Variants in BRAF observed in about 807,000 individuals in gnomAD.
BRAF encodes the protein serine/threonine-protein kinase B-raf.
BRAF carries 16 observed loss-of-function variants against 104.6 expected under a neutral mutation model. That is an observed-to-expected ratio of 0.15 (90% confidence interval 0.10 to 0.23). The LOEUF is 0.23. Among genes scored for constraint, BRAF ranks in the 10% least tolerant of loss-of-function variants. The pLI is 1.00. For synonymous variants in BRAF, 310 were observed against 341.6 expected (o/e 0.91, Z 1.02); for missense variants, 541 against 937.3 (o/e 0.58, Z 5.52).
Position 140,924,470 on chromosome 7 carries a change from G to T in BRAF, c.138+96C>A. ...GAGCTGGCCCGAGAAGGTGGCTGAG[G>T]GCATCAAGCCCCCACCGCCGCCTCT... On this transcript the variant is annotated intron_variant, in intron 1 of 19. Transcript: ENST00000644969. The surrounding 1 kb of genome is among the most constrained non-coding windows in gnomAD (Gnocchi z 4.2). The T allele has an allele frequency of 6.6e-7, 1 of 1,505,112 alleles. No homozygotes were observed. Among genetic ancestry groups the T allele is most frequent in the East Asian group, 2.5e-5 (1 of 40,402 alleles). 93.2% of individuals were successfully genotyped at this position (1,505,112 alleles called of 1,614,324 possible). A position where few individuals can be genotyped will look rare whatever the true frequency, so the allele number is the denominator to read the frequency against.
intron 1 of BRAF, among the ~76,000 whole-genome samples, chr7:140,912,361 T>A (rs914698803): frequency 2.6e-5 from 4 of 152,220 alleles, no homozygotes; most frequent in Admixed American, 6.5e-5. Context: ...GCAGCATTTC[T>A]AACCACATAC....
At chr7:140,909,350 G>A (rs192413678) in intron 1 of BRAF, among the ~76,000 whole-genome samples, 1 of 152,106 alleles carries the variant, frequency 6.6e-6, no homozygotes, top group South Asian at 2.1e-4. Flanking sequence ...GCTTGAACCC[G>A]GGAGGCGAAG....
intron 14 of BRAF, among the ~76,000 whole-genome samples, chr7:140,769,954 G>C (rs1337592561): frequency 6.6e-6 from 1 of 152,084 alleles, no homozygotes; most frequent in Non-Finnish European, 1.5e-5. Flanking sequence ...AATGTTTCTT[G>C]GGGTTAGAAT....
At chr7:140,861,037 A>C (rs193101149) in intron 1 of BRAF, among the ~76,000 whole-genome samples, 1 of 152,344 alleles carries the variant, frequency 6.6e-6, no homozygotes, top group African/African-American at 2.4e-5. Context: ...TCTCAAAAAC[A>C]TAATATTGAT....
chr7:140,832,967 G>A (rs993380887), intron 3 of BRAF, among the ~76,000 whole-genome samples: 2 of 150,560 alleles, frequency 1.3e-5, no homozygotes, highest in African/African-American at 2.4e-5. Flanking sequence ...TCCGCCTCCC[G>A]GGTTCACAGC....
intron 3 of BRAF, among the ~76,000 whole-genome samples, chr7:140,809,722 T>G (rs563824458): frequency 2.0e-5 from 3 of 152,266 alleles, no homozygotes; most frequent in Non-Finnish European, 4.4e-5. Context: ...TCTACTGTAG[T>G]TCTGTAGATT....
At chr7:140,877,076 T>A (rs995014972) in intron 1 of BRAF, among the ~76,000 whole-genome samples, 1 of 152,126 alleles carries the variant, frequency 6.6e-6, no homozygotes, top group Non-Finnish European at 1.5e-5. Context: ...ATATTCCTCA[T>A]AATCATTAGT....
chr7:140,767,498 A>G (rs187759232), intron 14 of BRAF, among the ~76,000 whole-genome samples: 89 of 152,282 alleles, frequency 5.8e-4, no homozygotes, highest in Non-Finnish European at 5.3e-4. Flanking sequence ...GGTAGATGTC[A>G]TAATGGTTAC....
intron 9 of BRAF, among the ~76,000 whole-genome samples, chr7:140,786,030 T>C (rs1448110634): frequency 1.3e-5 from 2 of 152,248 alleles, no homozygotes; most frequent in Non-Finnish European, 2.9e-5. Context: ...AAGCAGGCTG[T>C]GTTTATGACT....
intron 1 of BRAF, among the ~76,000 whole-genome samples, chr7:140,877,202 C>T (rs1812359037): frequency 6.7e-6 from 1 of 148,176 alleles, no homozygotes; most frequent in Non-Finnish European, 1.5e-5. Flanking sequence ...ATACAGCATA[C>T]TAAATCTGTG....
chr7:140,822,557 CTTCT>C lies in BRAF; in HGVS notation c.504+12048_504+12051del, dbSNP rs574217969. ...AAACGTGTAATCATTTTTTGTCTGA[CTTCT>C]TTCACTCAGCATAATTACTTTGAGA... On this transcript the variant is annotated intron_variant, in intron 3 of 19. Coordinates refer to ENST00000644969, the MANE Select transcript of BRAF (RefSeq NM_001374258.1). 224 of 152,278 alleles carry C rather than the reference CTTCT, an allele frequency of 1.5e-3. 2 individuals are homozygous for C. The highest frequency in any genetic ancestry group is 5.0e-3 in the African/African-American group (207 of 41,566). The allele number at this position is 152,278 out of a possible 1,614,324, so 9.4% of individuals were successfully genotyped here.
At chr7:140,856,762 G>A (rs1809832488) in intron 1 of BRAF, among the ~76,000 whole-genome samples, 2 of 152,164 alleles carry the variant, frequency 1.3e-5, no homozygotes, top group South Asian at 4.1e-4. Context: ...TTGAACAGAA[G>A]CTGGCCATAA....
intron 7 of BRAF, among the ~76,000 whole-genome samples, chr7:140,798,636 A>G (rs1287736032): frequency 6.7e-6 from 1 of 150,278 alleles, no homozygotes; most frequent in East Asian, 2.0e-4. Context: ...TCAATGTGAA[A>G]GAGTACACAG....
At chr7:140,885,468 T>C (rs1813459786) in intron 1 of BRAF, among the ~76,000 whole-genome samples, 1 of 152,188 alleles carries the variant, frequency 6.6e-6, no homozygotes, top group South Asian at 2.1e-4. Flanking sequence ...AGGCAAATAG[T>C]ATCTTAGTAG....
chr7:140,849,269 TACTA>T (rs1410949072), intron 2 of BRAF, among the ~76,000 whole-genome samples: 3 of 152,112 alleles, frequency 2.0e-5, no homozygotes, highest in Non-Finnish European at 4.4e-5. Context: ...TAACAGCACC[TACTA>T]ACTCATAGGA....
intron 3 of BRAF, among the ~76,000 whole-genome samples, chr7:140,819,823 T>C (rs973320427): frequency 6.6e-6 from 1 of 152,076 alleles, no homozygotes; most frequent in African/African-American, 2.4e-5. Context: ...TACATAGGGA[T>C]GGGAGGAATG....
chr7:140,763,536 GAT>G (rs1315350997), intron 14 of BRAF, among the ~76,000 whole-genome samples: 1 of 152,212 alleles, frequency 6.6e-6, no homozygotes, highest in African/African-American at 2.4e-5. Context: ...CAACAAAATT[GAT>G]AGACCACTAG....
At chr7:140,789,252 A>G (rs1489981831) in intron 8 of BRAF, among the ~76,000 whole-genome samples, 1 of 152,036 alleles carries the variant, frequency 6.6e-6, no homozygotes, top group Non-Finnish European at 1.5e-5. Context: ...TTAGCTCTTT[A>G]TAACAACGAT....
chr7:140,867,857 A>AT (rs1811149722), intron 1 of BRAF, among the ~76,000 whole-genome samples: 2 of 152,324 alleles, frequency 1.3e-5, no homozygotes, highest in South Asian at 4.2e-4. Context: ...TAACTCTGCA[A>AT]TCCCCTTTCC....
Sources: gnomAD v4.1 joint callset for allele counts (sites outside exome capture counted in the v4.1 genomes callset) on GRCh38, gnomAD v4.1.1 for gene constraint, Gnocchi (gnomAD v3.1) non-coding constraint, MANE v1.5 for transcripts, NCBI Gene and HGNC (gene_info 2026-07-23, HGNC 2026-07-21) for gene names.